Variants in ADGRE1 observed in about 807,000 individuals in gnomAD.
ADGRE1 encodes the protein adhesion G protein-coupled receptor E1.
Under a neutral mutation model 102.7 loss-of-function variants are expected in ADGRE1, and 82 were observed. The ratio of observed to expected loss-of-function variants is 0.80; its 90% CI spans 0.67 to 0.96. The LOEUF (loss-of-function observed/expected upper bound fraction) is 0.96. ADGRE1 is among the 40% of genes least tolerant of loss of function. The probability of loss-of-function intolerance (pLI) is 0.00; values close to 1 mark genes in which losing one functional copy is unlikely to be tolerated. For synonymous variants in ADGRE1, 398 were observed against 399.6 expected (o/e 1.00, Z 0.05); for missense variants, 1,032 against 1,085.3 (o/e 0.95, Z 0.69).
intron 20 of ADGRE1, among the ~76,000 whole-genome samples, chr19:6,938,489 A>G (rs1314360139): frequency 2.0e-5 from 3 of 152,170 alleles, no homozygotes; most frequent in African/African-American, 7.2e-5. Context: ...TGGTTTTCCC[A>G]CTAGAATGTC....
At chr19:6,892,919 G>C (rs77356883) in intron 2 of ADGRE1, among the ~76,000 whole-genome samples, 2,207 of 152,256 alleles carry the variant, frequency 0.014, 17 homozygotes, top group Non-Finnish European at 0.023. Context: ...CTGAGCACTC[G>C]ATCTCATTCC....
chr19:6,935,553 G>T (rs1171171383), intron 18 of ADGRE1, among the ~76,000 whole-genome samples: 1 of 151,988 alleles, frequency 6.6e-6, no homozygotes, highest in Non-Finnish European at 1.5e-5. Context: ...TCTACAATAT[G>T]GTGTAAATTT....
At chr19:6,898,555 T>C in intron 5 of ADGRE1, 1 of 1,513,910 alleles carries the variant, frequency 6.6e-7, no homozygotes, top group Non-Finnish European at 9.1e-7. Flanking sequence ...CCCAATTTCT[T>C]ATCTGCTCAC....
Position 6,906,494 on chromosome 19 carries a change from A to G in ADGRE1, c.1011A>G (p.Gln337=), listed in dbSNP as rs760500674. The G allele has an allele frequency of 1.2e-6, 2 of 1,613,980 alleles. No individual in the cohort carries two copies. Among genetic ancestry groups the G allele is most frequent in the Non-Finnish European group, 1.7e-6 (2 of 1,179,896 alleles). ...ATAATAAGCAGATCCAGCAATGCCA[A>G]GAGGGAACCGCAGTGAAACCTGCAT... ...IPDNKQIQQC[Q]EGTAVKPAYV... The change falls in exon 9 of 21, where the codon CAA becomes CAG. Residue 337 remains glutamine, a synonymous_variant. Coordinates refer to ENST00000312053, the MANE Select transcript of ADGRE1 (RefSeq NM_001974.5).
At chr19:6,905,696 C>A (rs1431763615) in intron 8 of ADGRE1, among the ~76,000 whole-genome samples, 3 of 151,930 alleles carry the variant, frequency 2.0e-5, no homozygotes. Flanking sequence ...CCCCTCCCCC[C>A]AAGAATAATG....
chr19:6,937,663 G>T lies in ADGRE1; in HGVS notation c.2655+15G>T, dbSNP rs765659662. 1 of 1,612,264 alleles carries T rather than the reference G, an allele frequency of 6.2e-7. No individual in the cohort carries two copies. Among genetic ancestry groups the T allele is most frequent in the Non-Finnish European group, 8.5e-7 (1 of 1,178,514 alleles). On this transcript the variant is annotated intron_variant, in intron 20 of 20. Coordinates refer to ENST00000312053, the MANE Select transcript of ADGRE1 (RefSeq NM_001974.5). ...CTTCCAAGACGGTGAGAGACTGCAT[G>T]CTCCCTGCAGGTGCTGGTCGAGGGA...
chr19:6,927,824 G>T (rs1320586770), intron 16 of ADGRE1, among the ~76,000 whole-genome samples: 1 of 152,020 alleles, frequency 6.6e-6, no homozygotes, highest in Non-Finnish European at 1.5e-5. Flanking sequence ...CCCACGCCCG[G>T]CCTGAGCTGA....
At chr19:6,887,847 T>C (rs1294938415) in intron 1 of ADGRE1, among the ~76,000 whole-genome samples, 1 of 152,208 alleles carries the variant, frequency 6.6e-6, no homozygotes, top group Non-Finnish European at 1.5e-5. Context: ...AGTCATTCAT[T>C]TGACCTGAGC....
At position 6,896,143 on chromosome 19, in the gene ADGRE1, T is replaced by C. The variant is rs112091933; in HGVS notation, c.95-255T>C. 1.0e-3 allele frequency: 397 copies of C among 393,980 alleles called. 4 individuals carry two copies. The highest frequency in any genetic ancestry group is 7.5e-3 in the African/African-American group (372 of 49,542). 24.4% of individuals were successfully genotyped at this position (393,980 alleles called of 1,614,324 possible). ...GTGCATGTCTGTGTGTCTCTTCTCT[T>C]CTTATAAGGACACCTGTGGCCCACC... On this transcript the variant is annotated intron_variant, in intron 2 of 20. Transcript: ENST00000312053.
intron 2 of ADGRE1, among the ~76,000 whole-genome samples, chr19:6,893,629 G>T (rs1973455381): frequency 6.6e-6 from 1 of 152,180 alleles, no homozygotes; most frequent in African/African-American, 2.4e-5. Flanking sequence ...ATTTTGAAAG[G>T]TCTGGCTCTG....
At chr19:6,900,269 G>A (rs1482296562) in intron 5 of ADGRE1, among the ~76,000 whole-genome samples, 1 of 149,616 alleles carries the variant, frequency 6.7e-6, no homozygotes, top group Non-Finnish European at 1.5e-5. Context: ...AAGACCAAGA[G>A]TTTGAGACCA....
At chr19:6,889,232 G>GTGATAATGGTGATGGTGATGA in intron 1 of ADGRE1, among the ~76,000 whole-genome samples, 1 of 150,842 alleles carries the variant, frequency 6.6e-6, no homozygotes, top group Non-Finnish European at 1.5e-5. Context: ...GGTGGTGATG[G>GTGATAATGGTGATGGTGATGA]TGATAATGGT....
chr19:6,925,566 C>T (rs1167300548), intron 15 of ADGRE1, among the ~76,000 whole-genome samples: 1 of 152,190 alleles, frequency 6.6e-6, no homozygotes, highest in Non-Finnish European at 1.5e-5. Flanking sequence ...GTTAGGGATA[C>T]TGCTAAGTAT....
At chr19:6,914,693 TAAAC>T (rs1326917116) in intron 11 of ADGRE1, among the ~76,000 whole-genome samples, 1 of 152,168 alleles carries the variant, frequency 6.6e-6, no homozygotes, top group Non-Finnish European at 1.5e-5. Context: ...AGTCAGATAA[TAAAC>T]AAACAGACAT....
At chr19:6,907,678 A>G (rs1302340575) in intron 9 of ADGRE1, among the ~76,000 whole-genome samples, 2 of 151,320 alleles carry the variant, frequency 1.3e-5, no homozygotes, top group African/African-American at 4.9e-5. Flanking sequence ...GTCACTCCCC[A>G]TTCTCCCCTC....
intron 15 of ADGRE1, among the ~76,000 whole-genome samples, chr19:6,925,851 A>G (rs1485681776): frequency 3.3e-5 from 5 of 151,754 alleles, no homozygotes; most frequent in African/African-American, 9.7e-5. Context: ...CTGTGCCACC[A>G]TGTCTGGCTA....
At chr19:6,900,185 T>C (rs1324946398) in intron 5 of ADGRE1, among the ~76,000 whole-genome samples, 1 of 151,902 alleles carries the variant, frequency 6.6e-6, no homozygotes, top group African/African-American at 2.4e-5. Context: ...CTGCTAAATA[T>C]GTTTTGAGAC....
chr19:6,936,686 G>A (rs1001056084), intron 18 of ADGRE1, among the ~76,000 whole-genome samples: 10 of 150,670 alleles, frequency 6.6e-5, no homozygotes, highest in Admixed American at 3.3e-4. Context: ...GCATTGGCAC[G>A]GTCTCGACTC....
At chr19:6,905,460 C>A (rs150393622) in intron 8 of ADGRE1, among the ~76,000 whole-genome samples, 4 of 150,720 alleles carry the variant, frequency 2.7e-5, no homozygotes, top group Non-Finnish European at 5.9e-5. Context: ...TCAAATGATT[C>A]TTCTGCCTCA....
Sources: gnomAD v4.1 joint callset for allele counts (sites outside exome capture counted in the v4.1 genomes callset) on GRCh38, gnomAD v4.1.1 for gene constraint, MANE v1.5 for transcripts, NCBI Gene and HGNC (gene_info 2026-07-23, HGNC 2026-07-21) for gene names.